Variants in PPARGC1A observed in about 807,000 individuals in gnomAD.
The protein encoded by PPARGC1A is PPARG coactivator 1 alpha, also known as peroxisome proliferator-activated receptor gamma coactivator 1-alpha.
A neutral mutation model predicts 88.7 loss-of-function variants in PPARGC1A; 25 were observed. That is an observed-to-expected ratio of 0.28 (90% CI 0.21 to 0.39). PPARGC1A has a LOEUF of 0.39. Ranked by LOEUF, PPARGC1A falls within the 10% of genes least tolerant of loss-of-function variation. PPARGC1A has a pLI of 1.00. For synonymous variants in PPARGC1A, 363 were observed against 355.6 expected (o/e 1.02, Z -0.24); for missense variants, 880 against 968.7 (o/e 0.91, Z 1.22).
chr4:23,822,481 T>C (rs551167496), intron 7 of PPARGC1A, among the ~76,000 whole-genome samples: 2 of 152,234 alleles, frequency 1.3e-5, no homozygotes, highest in South Asian at 4.1e-4. Context: ...CTTTATCATT[T>C]TAAAAAACTC....
the PPARGC1A span, among the ~76,000 whole-genome samples, chr4:24,282,979 G>A: frequency 3.5e-4 from 54 of 152,280 alleles, no homozygotes; most frequent in African/African-American, 1.3e-3. Context: ...AATGGCTACA[G>A]GTTTAAGCAG....
At chr4:24,376,327 T>C in the PPARGC1A span, among the ~76,000 whole-genome samples, 416 of 152,294 alleles carry the variant, frequency 2.7e-3, 5 homozygotes, top group African/African-American at 9.5e-3. Context: ...AATTCAGCCC[T>C]GTAGGGGGTG....
intron 2 of PPARGC1A, among the ~76,000 whole-genome samples, chr4:23,878,680 C>G (rs1462605731): frequency 6.6e-6 from 1 of 151,890 alleles, no homozygotes; most frequent in Non-Finnish European, 1.5e-5. Flanking sequence ...CACACACAAA[C>G]GAACAACACT....
chr4:24,283,494 C>A, the PPARGC1A span, among the ~76,000 whole-genome samples: 1 of 152,158 alleles, frequency 6.6e-6, no homozygotes, highest in African/African-American at 2.4e-5. Flanking sequence ...TTTCCGGCAA[C>A]TTTTAAGCAT....
the PPARGC1A span, among the ~76,000 whole-genome samples, chr4:24,294,663 C>T: frequency 6.6e-6 from 1 of 152,134 alleles, no homozygotes; most frequent in Admixed American, 6.5e-5. Context: ...ACTGAGCATC[C>T]ACATGAGTCT....
chr4:24,196,647 G>C, the PPARGC1A span, among the ~76,000 whole-genome samples: 1 of 152,196 alleles, frequency 6.6e-6, no homozygotes, highest in Non-Finnish European at 1.5e-5. Flanking sequence ...ACAAGGCCAG[G>C]TGGAGGTTAA....
At chr4:23,910,954 C>T in the PPARGC1A span, among the ~76,000 whole-genome samples, 4,273 of 152,026 alleles carry the variant, frequency 0.028, 88 homozygotes, top group Non-Finnish European at 0.044. Context: ...CCTCAACCCC[C>T]ACCCAAACTG....
At chr4:23,828,093 T>C (rs1724320205) in intron 5 of PPARGC1A, among the ~76,000 whole-genome samples, 1 of 152,166 alleles carries the variant, frequency 6.6e-6, no homozygotes, top group Admixed American at 6.5e-5. Flanking sequence ...GTTCATAACC[T>C]CAATTATCTC....
the PPARGC1A span, among the ~76,000 whole-genome samples, chr4:24,464,725 A>G: frequency 6.6e-6 from 1 of 152,152 alleles, no homozygotes. Flanking sequence ...CACACTACAG[A>G]GGGGAAGCAG....
chr4:24,048,821 C>T, the PPARGC1A span, among the ~76,000 whole-genome samples: 1 of 152,164 alleles, frequency 6.6e-6, no homozygotes, highest in African/African-American at 2.4e-5. Context: ...TAGACACAAA[C>T]CTCTTTCCAA....
Position 23,889,811 on chromosome 4 carries a change from C to T in PPARGC1A, c.54+93G>A, listed in dbSNP as rs774498397. On this transcript the variant is annotated intron_variant, in intron 1 of 12. Coordinates refer to ENST00000264867, the MANE Select transcript of PPARGC1A (RefSeq NM_013261.5). ...TGCCTGGACTACTTTCCTGGCTCCT[C>T]TCTTTGCCCAAGCCCATCCCCCCTT... is the stretch of plus-strand genomic sequence containing the variant. 64 of 1,479,318 alleles carry T rather than the reference C, an allele frequency of 4.3e-5. No individual in the cohort carries two copies. In the Admixed American group the frequency reaches 7.4e-4, roughly 17 times the overall value. The allele number at this position is 1,479,318 out of a possible 1,614,324, so 91.6% of individuals were successfully genotyped here. A position where few individuals can be genotyped will look rare whatever the true frequency, so the allele number is the denominator to read the frequency against.
chr4:24,127,699 C>T, the PPARGC1A span, among the ~76,000 whole-genome samples: 1 of 152,030 alleles, frequency 6.6e-6, no homozygotes, highest in Admixed American at 6.6e-5. Flanking sequence ...AACTTGGGCC[C>T]GGAGGACAGT....
chr4:23,844,407 A>G (rs1357941110), intron 2 of PPARGC1A, among the ~76,000 whole-genome samples: 1 of 126,582 alleles, frequency 7.9e-6, no homozygotes, highest in Non-Finnish European at 1.6e-5. Flanking sequence ...TATTTATCAT[A>G]TAATAATATA....
chr4:23,999,406 G>A, the PPARGC1A span, among the ~76,000 whole-genome samples: 1 of 152,150 alleles, frequency 6.6e-6, no homozygotes, highest in Non-Finnish European at 1.5e-5. Context: ...TAGCTTTCTT[G>A]CAGTGAGCCC....
intron 3 of PPARGC1A, 107 bp from the exon 4 acceptor site, chr4:23,829,692 T>G: frequency 3.7e-6 from 4 of 1,078,856 alleles, no homozygotes; most frequent in Non-Finnish European, 5.0e-6. Flanking sequence ...ATTATAAAAG[T>G]TAATTCTATC....
chr4:24,035,383 T>C, the PPARGC1A span, among the ~76,000 whole-genome samples: 3 of 151,624 alleles, frequency 2.0e-5, no homozygotes, highest in Non-Finnish European at 4.4e-5. Flanking sequence ...CTACTAAAAA[T>C]ACAAAAAATT....
At chr4:24,354,740 A>T in the PPARGC1A span, among the ~76,000 whole-genome samples, 1 of 152,074 alleles carries the variant, frequency 6.6e-6, no homozygotes, top group African/African-American at 2.4e-5. Flanking sequence ...CAAAAAAATT[A>T]GCCGGGCATG....
At chr4:23,814,680 A>G (rs1336996182) in intron 7 of PPARGC1A, 75 bp from the exon 8 acceptor site, 1 of 1,293,820 alleles carries the variant, frequency 7.7e-7, no homozygotes, top group African/African-American at 1.5e-5. Flanking sequence ...TTAAATGCGA[A>G]GACACATGTT....
At chr4:24,286,807 G>A in the PPARGC1A span, among the ~76,000 whole-genome samples, 2 of 152,094 alleles carry the variant, frequency 1.3e-5, no homozygotes, top group African/African-American at 2.4e-5. Context: ...GAGGAATTCG[G>A]GCTCAGGGTC....
Sources: allele counts gnomAD v4.1 joint callset (sites outside exome capture counted in the v4.1 genomes callset), GRCh38; gene constraint gnomAD v4.1.1; transcripts MANE v1.5; gene names NCBI Gene and HGNC (gene_info 2026-07-23, HGNC 2026-07-21).